PCDHGA7: variants seen among roughly 807,000 people sequenced by gnomAD.
PCDHGA7 encodes the protein protocadherin gamma-A7.
PCDHGA7 carries 44 observed loss-of-function variants against 58.3 expected under a neutral mutation model. That is an observed-to-expected ratio of 0.75 (90% CI 0.59 to 0.97). The LOEUF (loss-of-function observed/expected upper bound fraction) is 0.97, where lower values mean the gene tolerates loss of function less well. Among genes scored for constraint, PCDHGA7 ranks in the 50% least tolerant of loss-of-function variants. The probability of loss-of-function intolerance (pLI) is 0.00; values close to 1 mark genes in which losing one functional copy is unlikely to be tolerated. For missense variants in PCDHGA7, 1,266 were observed against 1,188.7 expected, an observed-to-expected ratio of 1.06 and a Z score of -0.96; for synonymous variants, 516 against 504.2, an observed-to-expected ratio of 1.02 and a Z score of -0.31.
chr5:141,415,577 C>T (rs776744277), intron 1 of PCDHGA7: 3 of 1,613,744 alleles, frequency 1.9e-6, no homozygotes, highest in East Asian at 4.5e-5. Context: ...TTAGATGATT[C>T]GAAGTTTCCT....
rs772884830 is a variant in PCDHGA7 at position 141,491,791 on chromosome 5, C to T, written c.2425-3016C>T. ...TAAGGGATTGAACTTGCATCCACTCCTCTCCGGCCGGCTTGGTCGCTGGCT... is the reference window on the plus strand; with the variant it reads ...TAAGGGATTGAACTTGCATCCACTCTTCTCCGGCCGGCTTGGTCGCTGGCT... On this transcript the variant is annotated intron_variant, in intron 1 of 3. Coordinates refer to ENST00000518325, the MANE Select transcript of PCDHGA7 (RefSeq NM_018920.4). This position sits in a 1 kb window ranked among gnomAD's most constrained non-coding sequence, Gnocchi z 6.9. The T allele has an allele frequency of 3.3e-6, 5 of 1,518,376 alleles. No homozygotes were observed. In the African/African-American group the frequency reaches 4.2e-5, roughly 13 times the overall value. The allele number at this position is 1,518,376 out of a possible 1,614,324, so 94.1% of individuals were successfully genotyped here.
At position 141,484,779 on chromosome 5, in the gene PCDHGA7, C is replaced by G. The variant is rs186158562; in HGVS notation, c.2425-10028C>G. On this transcript the variant is annotated intron_variant, in intron 1 of 3. Transcript: ENST00000518325. ...ATATATATATATGTTGTCTGCCTCCCCACAGAGATAACAACCCGTGGAAAA... is the reference window on the plus strand; with the variant it reads ...ATATATATATATGTTGTCTGCCTCCGCACAGAGATAACAACCCGTGGAAAA... Among the ~76,000 whole-genome samples, 137 of 152,130 alleles carry G rather than the reference C, an allele frequency of 9.0e-4. 1 individual carries two copies. Among genetic ancestry groups the G allele is most frequent in the Non-Finnish European group, 1.6e-3 (110 of 67,996 alleles).
chr5:141,390,591 T>G, intron 1 of PCDHGA7: 1 of 333,500 alleles, frequency 3.0e-6, no homozygotes, highest in Non-Finnish European at 5.4e-6. Flanking sequence ...TGAATGAGAT[T>G]TTTCCTATAC....
intron 3 of PCDHGA7, 61 bp downstream of exon 3, chr5:141,505,542 A>C: frequency 2.6e-5 from 42 of 1,604,950 alleles, no homozygotes; most frequent in Non-Finnish European, 3.2e-5. Flanking sequence ...GGTGCATCTC[A>C]CAGCCACCAT....
At chr5:141,455,375 G>A (rs1247820974) in intron 1 of PCDHGA7, among the ~76,000 whole-genome samples, 1 of 152,132 alleles carries the variant, frequency 6.6e-6, no homozygotes, top group Non-Finnish European at 1.5e-5. Context: ...GAAGGGAGAA[G>A]ACAGAAGGAA....
intron 1 of PCDHGA7, among the ~76,000 whole-genome samples, chr5:141,482,326 G>T (rs982211258): frequency 6.6e-6 from 1 of 152,072 alleles, no homozygotes. Context: ...AAAATAAAGA[G>T]AATATCTACT....
intron 1 of PCDHGA7, chr5:141,400,092 G>A (rs2093959231): frequency 6.2e-7 from 1 of 1,613,942 alleles, no homozygotes; most frequent in South Asian, 1.1e-5. Context: ...CCACCGCCAC[G>A]CTGCACTTGG....
chr5:141,410,945 C>A, intron 1 of PCDHGA7: 1 of 192,458 alleles, frequency 5.2e-6, no homozygotes, highest in Non-Finnish European at 1.0e-5. Context: ...CCTCCGCCTT[C>A]TGGGTTCAAG....
intron 1 of PCDHGA7, chr5:141,405,129 G>A (rs755961534): frequency 9.9e-6 from 16 of 1,613,846 alleles, no homozygotes; most frequent in Middle Eastern, 3.3e-4. Context: ...CATCTGCTGC[G>A]GGCTACCAGT....
At chr5:141,466,384 T>C (rs1209046694) in intron 1 of PCDHGA7, among the ~76,000 whole-genome samples, 9 of 152,168 alleles carry the variant, frequency 5.9e-5, no homozygotes, top group Non-Finnish European at 1.3e-4. Context: ...ACCCATCTAA[T>C]GGAAAGTTTG....
In PCDHGA7 at chr5:141,489,153, G is replaced by C; in HGVS notation, c.2425-5654G>C. Reference sequence around the variant, plus strand: ...TTTAAGAGGCTGGAAGGAGACATAAGAGACTTCAGCTGCTGCATTCCAAGC... The same window carrying C: ...TTTAAGAGGCTGGAAGGAGACATAACAGACTTCAGCTGCTGCATTCCAAGC... On this transcript the variant is annotated intron_variant, in intron 1 of 3. Coordinates refer to ENST00000518325, the MANE Select transcript of PCDHGA7 (RefSeq NM_018920.4). This position sits in a 1 kb window ranked among gnomAD's most constrained non-coding sequence, Gnocchi z 4.5. 1 of 935,832 alleles carries C rather than the reference G, an allele frequency of 1.1e-6. No individual in the cohort carries two copies. Among genetic ancestry groups the C allele is most frequent in the Non-Finnish European group, 1.6e-6 (1 of 627,178 alleles). The allele number at this position is 935,832 out of a possible 1,614,324, so 58.0% of individuals were successfully genotyped here.
chr5:141,485,174 A>G lies in PCDHGA7; in HGVS notation c.2425-9633A>G. 6.2e-7 allele frequency: 1 copy of G among 1,611,406 alleles called. No individual in the cohort carries two copies. The highest frequency in any genetic ancestry group is 8.5e-7 in the Non-Finnish European group (1 of 1,177,898). ...AGTAGAGAATTAGCGGGCGGCAGCA[A>G]TGCTCCGCAAGGTGAGAAGCTGGAC... On this transcript the variant is annotated intron_variant, in intron 1 of 3. Coordinates refer to ENST00000518325, the MANE Select transcript of PCDHGA7 (RefSeq NM_018920.4). The surrounding 1 kb of genome is among the most constrained non-coding windows in gnomAD (Gnocchi z 5.7).
Position 141,476,610 on chromosome 5 carries a change from G to A in PCDHGA7, c.2425-18197G>A, listed in dbSNP as rs769858609. ...GAGAGCGCGCACGATCCCGATGTGGGAAGCAACTCTTTACAAACCTATGAG... is the reference window on the plus strand; with the variant it reads ...GAGAGCGCGCACGATCCCGATGTGGAAAGCAACTCTTTACAAACCTATGAG... On this transcript the variant is annotated intron_variant, in intron 1 of 3. Coordinates refer to ENST00000518325, the MANE Select transcript of PCDHGA7 (RefSeq NM_018920.4). The surrounding 1 kb of genome is among the most constrained non-coding windows in gnomAD (Gnocchi z 7.6). The A allele has an allele frequency of 1.2e-6, 2 of 1,614,262 alleles. No homozygotes were observed. The highest frequency in any genetic ancestry group is 3.3e-5 in the Admixed American group (2 of 60,036).
chr5:141,491,763 T>C lies in PCDHGA7; in HGVS notation c.2425-3044T>C. 1 of 1,570,222 alleles carries C rather than the reference T, an allele frequency of 6.4e-7. No homozygotes were observed. Among genetic ancestry groups the C allele is most frequent in the Non-Finnish European group, 8.6e-7 (1 of 1,159,286 alleles). Reference sequence around the variant, plus strand: ...GCGGCACTGGAGAAGCCGCCCGTCCTCATAAGGGATTGAACTTGCATCCAC... The same window carrying C: ...GCGGCACTGGAGAAGCCGCCCGTCCCCATAAGGGATTGAACTTGCATCCAC... On this transcript the variant is annotated intron_variant, in intron 1 of 3. Coordinates refer to ENST00000518325, the MANE Select transcript of PCDHGA7 (RefSeq NM_018920.4). The surrounding 1 kb of genome is among the most constrained non-coding windows in gnomAD (Gnocchi z 6.9).
intron 1 of PCDHGA7, chr5:141,418,417 T>C: frequency 6.2e-7 from 1 of 1,614,002 alleles, no homozygotes; most frequent in Non-Finnish European, 8.5e-7. Flanking sequence ...AAGACAATCC[T>C]GATGGTGGCA....
intron 1 of PCDHGA7, chr5:141,492,079 G>A (rs1400390407): frequency 4.1e-6 from 2 of 486,168 alleles, no homozygotes; most frequent in African/African-American, 2.0e-5. Context: ...CGCCGGCTCC[G>A]GCACGCTTCG....
intron 1 of PCDHGA7, chr5:141,390,939 A>G (rs572047279): frequency 6.6e-6 from 1 of 152,412 alleles, no homozygotes; most frequent in Admixed American, 6.5e-5. Context: ...TTAGAAGATC[A>G]AAAGCAGATT....
chr5:141,502,446 C>T (rs541278139), intron 2 of PCDHGA7, among the ~76,000 whole-genome samples: 1 of 152,098 alleles, frequency 6.6e-6, no homozygotes, highest in South Asian at 2.1e-4. Context: ...ATTCAGATTA[C>T]ACACCTTGGT....
Position 141,384,561 on chromosome 5 carries a change from C to A in PCDHGA7, c.1662C>A (p.Asp554Glu), listed in dbSNP as rs778010622. The A allele has an allele frequency of 3.1e-6, 5 of 1,614,254 alleles. No individual in the cohort carries two copies. The highest frequency in any genetic ancestry group is 1.1e-5 in the South Asian group (1 of 91,088). The change falls in exon 1 of 4, where the codon GAC (aspartate) becomes GAA (glutamate). Residue 554 changes from aspartate to glutamate, a missense_variant. Coordinates refer to ENST00000518325, the MANE Select transcript of PCDHGA7 (RefSeq NM_018920.4). Reference sequence around the variant, plus strand: ...TGTCACTGAGCCTGTTCGTGCTGGACCAGAATGACAACCCGCCCGAGATCC... The same window carrying A: ...TGTCACTGAGCCTGTTCGTGCTGGAACAGAATGACAACCCGCCCGAGATCC... ...SNMSLSLFVL[D>E]QNDNPPEILY... is the part of the protein sequence containing the mutation.
Sources: allele counts gnomAD v4.1 joint callset (sites outside exome capture counted in the v4.1 genomes callset), GRCh38; gene constraint gnomAD v4.1.1; non-coding constraint Gnocchi (gnomAD v3.1); transcripts MANE v1.5; gene names NCBI Gene and HGNC (gene_info 2026-07-23, HGNC 2026-07-21).